GARIN1A: variants seen among roughly 807,000 people sequenced by gnomAD.
The protein encoded by GARIN1A is Golgi-associated RAB2 interactor protein 1A.
chr7:128,677,907 C>T, the GARIN1A span: 1 of 1,054,266 alleles, frequency 9.5e-7, no homozygotes, highest in South Asian at 1.9e-5. Context: ...GTTTCCATGT[C>T]TTTTAAAAGC....
chr7:128,688,713 G>T, the GARIN1A span, among the ~76,000 whole-genome samples: 2 of 146,896 alleles, frequency 1.4e-5, no homozygotes, highest in East Asian at 4.1e-4. Context: ...ACTCCTCTCT[G>T]CCCCCATTCT....
At chr7:128,671,714 G>A in the GARIN1A span, among the ~76,000 whole-genome samples, 8 of 151,190 alleles carry the variant, frequency 5.3e-5, no homozygotes, top group African/African-American at 1.9e-4. Flanking sequence ...TCCTGAAAAT[G>A]TAACAACCAG....
At chr7:128,673,529 G>A in the GARIN1A span, among the ~76,000 whole-genome samples, 1 of 152,200 alleles carries the variant, frequency 6.6e-6, no homozygotes, top group Admixed American at 6.5e-5. Context: ...AGGCAGGGAG[G>A]CTGGAATGCA....
chr7:128,672,104 T>A, the GARIN1A span, among the ~76,000 whole-genome samples: 2 of 152,172 alleles, frequency 1.3e-5, no homozygotes, highest in Non-Finnish European at 2.9e-5. Flanking sequence ...CAAAGTGGAA[T>A]AGGCTGCATT....
chr7:128,702,083 G>C, the GARIN1A span, among the ~76,000 whole-genome samples: 1 of 152,034 alleles, frequency 6.6e-6, no homozygotes, highest in African/African-American at 2.4e-5. Context: ...CAATACAAAA[G>C]AGGTAAAAAA....
At chr7:128,677,548 T>A in the GARIN1A span, 1 of 1,558,290 alleles carries the variant, frequency 6.4e-7, no homozygotes, top group South Asian at 1.2e-5. Flanking sequence ...CATGGAAATG[T>A]CCTGATTATG....
At chr7:128,674,778 A>T in the GARIN1A span, among the ~76,000 whole-genome samples, 1 of 152,140 alleles carries the variant, frequency 6.6e-6, no homozygotes, top group African/African-American at 2.4e-5. Flanking sequence ...AGGACTGGGC[A>T]ATGGTGTCGA....
chr7:128,703,203 C>T, the GARIN1A span, among the ~76,000 whole-genome samples: 1 of 152,136 alleles, frequency 6.6e-6, no homozygotes, highest in African/African-American at 2.4e-5. Flanking sequence ...ACTTAATTGG[C>T]ATTTATTGAA....
chr7:128,705,251 A>C, the GARIN1A span, among the ~76,000 whole-genome samples: 8 of 152,154 alleles, frequency 5.3e-5, no homozygotes, highest in East Asian at 1.5e-3. Context: ...TGATCCTTCC[A>C]CCCCATCCCC....
At chr7:128,690,223 G>T in the GARIN1A span, among the ~76,000 whole-genome samples, 1 of 152,098 alleles carries the variant, frequency 6.6e-6, no homozygotes, top group East Asian at 1.9e-4. Flanking sequence ...CTCGTTAAGA[G>T]TCATCACCAC....
At chr7:128,681,257 C>G in the GARIN1A span, among the ~76,000 whole-genome samples, 4 of 151,998 alleles carry the variant, frequency 2.6e-5, no homozygotes, top group African/African-American at 9.7e-5. Flanking sequence ...CTGAACTTAT[C>G]ACATCTTCTT....
chr7:128,696,912 C>T, the GARIN1A span, among the ~76,000 whole-genome samples: 1 of 152,154 alleles, frequency 6.6e-6, no homozygotes, highest in Non-Finnish European at 1.5e-5. Flanking sequence ...AGTCTAGACC[C>T]TAACTCCCCC....
chr7:128,673,805 C>A, the GARIN1A span, among the ~76,000 whole-genome samples: 1 of 152,106 alleles, frequency 6.6e-6, no homozygotes, highest in East Asian at 1.9e-4. Flanking sequence ...CCTAACATAC[C>A]CTTGGTGGAG....
chr7:128,688,320 C>A, the GARIN1A span, among the ~76,000 whole-genome samples: 1 of 152,082 alleles, frequency 6.6e-6, no homozygotes, highest in South Asian at 2.1e-4. Flanking sequence ...CCCCTGGTTT[C>A]TTCCTTACCT....
At chr7:128,706,658 T>C in the GARIN1A span, among the ~76,000 whole-genome samples, 1 of 152,194 alleles carries the variant, frequency 6.6e-6, no homozygotes, top group Non-Finnish European at 1.5e-5. Context: ...TGTTTACTTA[T>C]TTGCTCATGT....
chr7:128,681,032 A>G, the GARIN1A span, among the ~76,000 whole-genome samples: 10 of 152,388 alleles, frequency 6.6e-5, no homozygotes, highest in Admixed American at 6.5e-5. Context: ...CTTGTAGGGT[A>G]TCATCAAAAT....
At chr7:128,695,922 T>G in the GARIN1A span, among the ~76,000 whole-genome samples, 1 of 152,104 alleles carries the variant, frequency 6.6e-6, no homozygotes, top group Non-Finnish European at 1.5e-5. The surrounding 1 kb of genome is among the most constrained non-coding windows in gnomAD (Gnocchi z 4.5). Flanking sequence ...AAAATAATAT[T>G]TTTCAGGTTT....
At chr7:128,701,112 C>T in the GARIN1A span, among the ~76,000 whole-genome samples, 2 of 151,368 alleles carry the variant, frequency 1.3e-5, no homozygotes, top group Non-Finnish European at 2.9e-5. Flanking sequence ...GTGGAACCCA[C>T]CCATATGGAG....
the GARIN1A span, among the ~76,000 whole-genome samples, chr7:128,696,232 G>C: frequency 6.6e-6 from 1 of 151,832 alleles, no homozygotes; most frequent in African/African-American, 2.4e-5. Flanking sequence ...TGCCCAAGCT[G>C]GTCTCGAACT....
Sources: gnomAD v4.1 joint callset for allele counts (sites outside exome capture counted in the v4.1 genomes callset) on GRCh38, gnomAD v4.1.1 for gene constraint, Gnocchi (gnomAD v3.1) non-coding constraint, MANE v1.5 for transcripts, NCBI Gene and HGNC (gene_info 2026-07-23, HGNC 2026-07-21) for gene names.